The following WASF3 variants were observed in gnomAD, a reference collection of about 807,000 sequenced individuals.
The protein encoded by WASF3 is WASP family member 3.
In WASF3, 11 loss-of-function variants were observed where a neutral mutation model predicts 46.6. That is an observed-to-expected ratio of 0.24 (90% confidence interval 0.15 to 0.39). The LOEUF (loss-of-function observed/expected upper bound fraction) is 0.39. Among genes scored for constraint, WASF3 ranks in the 10% least tolerant of loss-of-function variants. The pLI, the probability that WASF3 is intolerant of heterozygous loss-of-function variation, is 1.00. For synonymous variants in WASF3, 242 were observed against 259.7 expected (o/e 0.93, Z 0.65); for missense variants, 576 against 669.8 (o/e 0.86, Z 1.55).
intron 1 of WASF3, among the ~76,000 whole-genome samples, chr13:26,598,528 A>G (rs180919416): frequency 2.8e-4 from 43 of 152,306 alleles, no homozygotes; most frequent in Admixed American, 2.5e-3. Context: ...ATCCCGGCAA[A>G]AGGCTTGCTC....
intron 1 of WASF3, among the ~76,000 whole-genome samples, chr13:26,604,996 C>T (rs1356689834): frequency 3.9e-5 from 6 of 152,142 alleles, no homozygotes; most frequent in Admixed American, 2.6e-4. Context: ...TGGACAGAGG[C>T]GCCAGGGTCC....
intron 6 of WASF3, among the ~76,000 whole-genome samples, chr13:26,675,209 C>G (rs1883028204): frequency 6.6e-6 from 1 of 152,134 alleles, no homozygotes; most frequent in South Asian, 2.1e-4. Context: ...CCTTCTTGTT[C>G]TTTAATGGGT....
intron 1 of WASF3, among the ~76,000 whole-genome samples, chr13:26,565,324 T>G (rs1318805488): frequency 2.0e-5 from 3 of 152,178 alleles, no homozygotes; most frequent in Non-Finnish European, 4.4e-5. Flanking sequence ...AGGGGGCAAC[T>G]TACAAGTATG....
chr13:26,647,812 A>G (rs544731364), intron 3 of WASF3, among the ~76,000 whole-genome samples: 2 of 152,262 alleles, frequency 1.3e-5, no homozygotes, highest in South Asian at 2.1e-4. Context: ...GATAATATAG[A>G]AAATTTAGCA....
At chr13:26,633,778 G>T (rs1881730737) in intron 2 of WASF3, among the ~76,000 whole-genome samples, 1 of 152,180 alleles carries the variant, frequency 6.6e-6, no homozygotes, top group South Asian at 2.1e-4. Flanking sequence ...AGGTTGTTCA[G>T]TTTCCACACA....
intron 1 of WASF3, among the ~76,000 whole-genome samples, chr13:26,602,406 C>T (rs920067773): frequency 1.3e-5 from 2 of 151,942 alleles, no homozygotes; most frequent in African/African-American, 2.4e-5. Flanking sequence ...TGTTTTTGTT[C>T]GTTTGTATCT....
intron 3 of WASF3, among the ~76,000 whole-genome samples, chr13:26,663,011 C>T (rs1292108022): frequency 1.3e-5 from 2 of 151,862 alleles, no homozygotes; most frequent in African/African-American, 2.4e-5. Flanking sequence ...TGCATGGGTT[C>T]GGGGGTGGGA....
chr13:26,599,207 G>A (rs111654857), intron 1 of WASF3, among the ~76,000 whole-genome samples: 1,942 of 112,716 alleles, frequency 0.017, 48 homozygotes, highest in African/African-American at 0.06. Context: ...TTTTTGAGAC[G>A]GAGTCTTGCT....
chr13:26,635,532 T>C (rs1881792211), intron 2 of WASF3, among the ~76,000 whole-genome samples: 1 of 152,246 alleles, frequency 6.6e-6, no homozygotes, highest in East Asian at 1.9e-4. Context: ...GTTCCATTGC[T>C]GGCAAGGAGC....
intron 2 of WASF3, among the ~76,000 whole-genome samples, chr13:26,621,648 A>G (rs368648706): frequency 1.3e-5 from 2 of 152,254 alleles, no homozygotes; most frequent in African/African-American, 4.8e-5. Flanking sequence ...AAGTGTGAAC[A>G]TTTGTCCCAG....
intron 2 of WASF3, among the ~76,000 whole-genome samples, chr13:26,636,821 C>G (rs972785565): frequency 6.6e-6 from 1 of 152,222 alleles, no homozygotes; most frequent in African/African-American, 2.4e-5. Flanking sequence ...AGCCATATCA[C>G]AGGTGTGTTG....
At chr13:26,599,487 T>G (rs1429458687) in intron 1 of WASF3, among the ~76,000 whole-genome samples, 1 of 152,214 alleles carries the variant, frequency 6.6e-6, no homozygotes, top group Middle Eastern at 3.2e-3. Flanking sequence ...TCAGCTCTCC[T>G]GCCCTAGCAC....
intron 1 of WASF3, among the ~76,000 whole-genome samples, chr13:26,606,261 A>G (rs978330439): frequency 1.3e-5 from 2 of 151,840 alleles, no homozygotes; most frequent in Admixed American, 6.6e-5. Context: ...ACTTTATTTC[A>G]GGAGCAAGTT....
chr13:26,555,307 A>G (rs1879074222), upstream of WASF3, among the ~76,000 whole-genome samples: 1 of 152,160 alleles, frequency 6.6e-6, no homozygotes, highest in Non-Finnish European at 1.5e-5. Flanking sequence ...ATGAATAAAT[A>G]GAGTGAGGGC....
intron 3 of WASF3, among the ~76,000 whole-genome samples, chr13:26,660,864 A>T (rs1882609060): frequency 6.6e-6 from 1 of 152,200 alleles, no homozygotes; most frequent in African/African-American, 2.4e-5. Context: ...CAAGAAGCAT[A>T]GCACGAGCAT....
chr13:26,554,753 C>T (rs1464854955), upstream of WASF3, among the ~76,000 whole-genome samples: 4 of 152,132 alleles, frequency 2.6e-5, no homozygotes, highest in Non-Finnish European at 5.9e-5. Context: ...AAATAACATT[C>T]AATTGTATGG....
At chr13:26,649,636 G>A (rs9507752) in intron 3 of WASF3, among the ~76,000 whole-genome samples, 67,810 of 152,042 alleles carry the variant, frequency 0.45, 16,386 homozygotes, top group Non-Finnish European at 0.55. Context: ...TTGAGGACAA[G>A]TTTGAGAGTT....
chr13:26,673,210 A>T lies in WASF3; in HGVS notation c.540+1221A>T, dbSNP rs141463396. Among the ~76,000 whole-genome samples, 1,268 of 152,212 alleles carry T rather than the reference A, an allele frequency of 8.3e-3. 16 individuals carry two copies. Among genetic ancestry groups the T allele is most frequent in the African/African-American group, 0.029 (1,215 of 41,520 alleles). ...GCCTTCTAGGTTTCCTTTCTCAATG[A>T]TGCTTTTGGCAAAACTGTTTAATTT... On this transcript the variant is annotated intron_variant, in intron 6 of 9. Transcript: ENST00000335327.
At chr13:26,673,125 A>G (rs139341875) in intron 6 of WASF3, among the ~76,000 whole-genome samples, 81 of 152,318 alleles carry the variant, frequency 5.3e-4, no homozygotes, top group African/African-American at 1.9e-3. Context: ...GCTTTTTTAT[A>G]GTTACAGGGG....
Sources: gnomAD v4.1 joint callset for allele counts (sites outside exome capture counted in the v4.1 genomes callset) on GRCh38, gnomAD v4.1.1 for gene constraint, MANE v1.5 for transcripts, NCBI Gene and HGNC (gene_info 2026-07-23, HGNC 2026-07-21) for gene names.